The following NKAIN2 variants were observed in gnomAD, a reference collection of about 807,000 sequenced individuals.
NKAIN2 encodes sodium/potassium transporting ATPase interacting 2, also known as sodium/potassium-transporting ATPase subunit beta-1-interacting protein 2.
A neutral mutation model predicts 32.6 loss-of-function variants in NKAIN2; 14 were observed. The ratio of observed to expected loss-of-function variants is 0.43; its 90% confidence interval spans 0.28 to 0.67. The LOEUF (loss-of-function observed/expected upper bound fraction) is 0.67. Ranked by LOEUF, NKAIN2 falls within the 30% of genes least tolerant of loss-of-function variation. NKAIN2 has a pLI of 0.17. For missense variants in NKAIN2, 198 were observed against 258.3 expected, an observed-to-expected ratio of 0.77 and a Z score of 1.60; for synonymous variants, 80 against 87.2, an observed-to-expected ratio of 0.92 and a Z score of 0.46.
intron 1 of NKAIN2, among the ~76,000 whole-genome samples, chr6:124,073,255 T>C (rs540113768): frequency 1.3e-5 from 2 of 152,318 alleles, no homozygotes; most frequent in East Asian, 3.9e-4. Context: ...TCCAGCAGCT[T>C]GAGGAATGAA....
chr6:124,281,151 G>A (rs981267679), intron 1 of NKAIN2, among the ~76,000 whole-genome samples: 7 of 152,120 alleles, frequency 4.6e-5, no homozygotes, highest in African/African-American at 1.7e-4. Flanking sequence ...CGTTTGCCCT[G>A]CTGTGTCCCC....
At chr6:124,450,685 G>C (rs557415338) in intron 3 of NKAIN2, among the ~76,000 whole-genome samples, 1 of 151,798 alleles carries the variant, frequency 6.6e-6, no homozygotes, top group African/African-American at 2.4e-5. Context: ...GATTGGAAAA[G>C]CATTTAAATA....
At chr6:124,146,537 C>T (rs1437155118) in intron 1 of NKAIN2, among the ~76,000 whole-genome samples, 2 of 152,106 alleles carry the variant, frequency 1.3e-5, no homozygotes, top group Non-Finnish European at 2.9e-5. Context: ...CAGGTTTATA[C>T]CCTAGAGTAA....
At position 124,715,473 on chromosome 6, in the gene NKAIN2, C is replaced by T. The variant is rs544732351; in HGVS notation, c.474+57087C>T. ...TGAGCTCTGCTCCGTGAGCCACTCT[C>T]CCCTGAGCCACTCTTCCCTGATCAC... On this transcript the variant is annotated intron_variant, in intron 4 of 6. Transcript: ENST00000368417. 6.6e-5 allele frequency among the ~76,000 whole-genome samples: 10 copies of T among 152,286 alleles called. No individual in the cohort carries two copies. The South Asian group carries it at 1.0e-3, about 16-fold the overall frequency.
chr6:124,480,858 T>C (rs73772139), intron 3 of NKAIN2, among the ~76,000 whole-genome samples: 3,390 of 152,212 alleles, frequency 0.022, 125 homozygotes, highest in African/African-American at 0.078. Flanking sequence ...TCAGGAAAAC[T>C]ACTAAGAATG....
At chr6:124,345,269 A>G (rs573714798) in intron 2 of NKAIN2, among the ~76,000 whole-genome samples, 1 of 152,310 alleles carries the variant, frequency 6.6e-6, no homozygotes, top group South Asian at 2.1e-4. Flanking sequence ...ATCAATGTTC[A>G]TCAAGGATAT....
chr6:123,956,825 C>A (rs1582840399), intron 1 of NKAIN2, among the ~76,000 whole-genome samples: 1 of 152,214 alleles, frequency 6.6e-6, no homozygotes, highest in Non-Finnish European at 1.5e-5. Flanking sequence ...AGAGCTCAAG[C>A]TAGCCTCTCT....
At chr6:124,383,166 A>C (rs1772722894) in intron 3 of NKAIN2, among the ~76,000 whole-genome samples, 1 of 152,124 alleles carries the variant, frequency 6.6e-6, no homozygotes, top group Admixed American at 6.6e-5. Flanking sequence ...CCTTTCCTTT[A>C]ACAAGCCATG....
At chr6:124,470,665 T>TG (rs1272783688) in intron 3 of NKAIN2, among the ~76,000 whole-genome samples, 1 of 152,124 alleles carries the variant, frequency 6.6e-6, no homozygotes, top group African/African-American at 2.4e-5. Context: ...TAGGGAGATT[T>TG]GGGGAATCCC....
intron 4 of NKAIN2, among the ~76,000 whole-genome samples, chr6:124,771,892 G>C (rs1778776790): frequency 6.6e-6 from 1 of 152,142 alleles, no homozygotes; most frequent in African/African-American, 2.4e-5. Context: ...GCAGGGGCAA[G>C]GGCTGATATA....
chr6:124,600,143 A>C (rs575312620), intron 3 of NKAIN2, among the ~76,000 whole-genome samples: 20 of 152,238 alleles, frequency 1.3e-4, no homozygotes, highest in African/African-American at 4.1e-4. Context: ...ATGACTGCAC[A>C]CCATCACTAC....
rs149303712 is a variant in NKAIN2, at chr6:123,917,112, A to G, written c.54+112858A>G. On this transcript the variant is annotated intron_variant, in intron 1 of 6. Transcript: ENST00000368417. ...TTTTCCTTTGACTTTCAAGTCCATC[A>G]TTTTTATTAGTGTTCTTAGAACCCC... Among the ~76,000 whole-genome samples the G allele has an allele frequency of 6.9e-3, 1,055 of 152,236 alleles. 15 individuals carry two copies. The highest frequency in any genetic ancestry group is 0.024 in the African/African-American group (1,007 of 41,540).
intron 1 of NKAIN2, among the ~76,000 whole-genome samples, chr6:123,947,285 A>G (rs1049008838): frequency 2.0e-5 from 3 of 152,154 alleles, no homozygotes; most frequent in African/African-American, 7.2e-5. Context: ...CTGACTATGA[A>G]CTCATACAGC....
At chr6:124,295,208 C>T (rs1225415117) in intron 2 of NKAIN2, among the ~76,000 whole-genome samples, 1 of 152,096 alleles carries the variant, frequency 6.6e-6, no homozygotes, top group Admixed American at 6.6e-5. Context: ...GTAGTTTGTA[C>T]CTAAGAATTT....
intron 1 of NKAIN2, among the ~76,000 whole-genome samples, chr6:124,169,217 C>T (rs1788723022): frequency 6.6e-6 from 1 of 152,016 alleles, no homozygotes; most frequent in Non-Finnish European, 1.5e-5. Context: ...CTAGTATTAT[C>T]TTGCTGATAA....
chr6:124,030,313 A>G (rs1163359862), intron 1 of NKAIN2, among the ~76,000 whole-genome samples: 1 of 152,158 alleles, frequency 6.6e-6, no homozygotes, highest in Non-Finnish European at 1.5e-5. Context: ...CCATGGAAAT[A>G]TTGTTTTCCA....
intron 1 of NKAIN2, among the ~76,000 whole-genome samples, chr6:124,252,285 A>T (rs1340433155): frequency 6.6e-6 from 1 of 152,080 alleles, no homozygotes; most frequent in African/African-American, 2.4e-5. Context: ...TATCAAAAGC[A>T]TACTTTTGAG....
intron 3 of NKAIN2, among the ~76,000 whole-genome samples, chr6:124,571,519 C>T (rs906059965): frequency 2.0e-5 from 3 of 152,148 alleles, no homozygotes; most frequent in Non-Finnish European, 4.4e-5. Flanking sequence ...ATGGATTTAT[C>T]AGGGGTTTCT....
intron 1 of NKAIN2, among the ~76,000 whole-genome samples, chr6:124,227,328 A>G (rs1792173123): frequency 6.6e-6 from 1 of 152,110 alleles, no homozygotes; most frequent in African/African-American, 2.4e-5. Flanking sequence ...GAAATGGTTC[A>G]TGGGTATGAT....
Sources: allele counts gnomAD v4.1 joint callset (sites outside exome capture counted in the v4.1 genomes callset), GRCh38; gene constraint gnomAD v4.1.1; transcripts MANE v1.5; gene names NCBI Gene and HGNC (gene_info 2026-07-23, HGNC 2026-07-21).